SLC38A2: variants seen among roughly 807,000 people sequenced by gnomAD.
SLC38A2 encodes the protein sodium-coupled neutral amino acid symporter 2.
In SLC38A2, 11 loss-of-function variants were observed where a neutral mutation model predicts 61.5. The ratio of observed to expected loss-of-function variants is 0.18; its 90% CI spans 0.11 to 0.30. SLC38A2 has a LOEUF of 0.30. SLC38A2 is among the 10% of genes least tolerant of loss of function. The probability of loss-of-function intolerance (pLI) is 1.00; values close to 1 mark genes in which losing one functional copy is unlikely to be tolerated. For synonymous variants in SLC38A2, 217 were observed against 212.5 expected, an observed-to-expected ratio of 1.02 and a Z score of -0.18; for missense variants, 522 against 600.4, an observed-to-expected ratio of 0.87 and a Z score of 1.36.
chr12:46,366,108 T>C (rs558529457), intron 7 of SLC38A2, among the ~76,000 whole-genome samples: 127 of 152,322 alleles, frequency 8.3e-4, no homozygotes, highest in African/African-American at 3.1e-3. Flanking sequence ...GATAAATACC[T>C]GTGAGTTCAC....
At position 46,368,949 on chromosome 12, in the gene SLC38A2, C is replaced by T. The variant is rs561920028; in HGVS notation, c.314+1563G>A. Among the ~76,000 whole-genome samples, 17 of 152,190 alleles carry T rather than the reference C, an allele frequency of 1.1e-4. 1 individual carries two copies. The South Asian group carries it at 3.5e-3, about 32-fold the overall frequency. On this transcript the variant is annotated intron_variant, in intron 4 of 15. Transcript: ENST00000256689. ...CCGTGGCAGCCATGTGGTTTTTGGCCCATTTTCCTCTATACCTCTAAATAT... is the reference window on the plus strand; with the variant it reads ...CCGTGGCAGCCATGTGGTTTTTGGCTCATTTTCCTCTATACCTCTAAATAT...
intron 2 of SLC38A2, 53 bp downstream of exon 2, chr12:46,371,125 C>G: frequency 6.7e-7 from 1 of 1,502,244 alleles, no homozygotes; most frequent in Non-Finnish European, 9.3e-7. Context: ...AGGTAACTCC[C>G]TGAACCCAAC....
rs902022069 is a variant in SLC38A2, at chr12:46,371,557, G to A, written c.-86-178C>T. The A allele has an allele frequency of 1.1e-5, 5 of 448,156 alleles. No individual in the cohort carries two copies. In the South Asian group the frequency reaches 1.4e-4, roughly 12 times the overall value. The allele number at this position is 448,156 out of a possible 1,614,324, so 27.8% of individuals were successfully genotyped here. ...GGAAAAGTACAGACGGCGGAGCCGCGGGGAGAACAAAGATGATGCCACCGC... is the reference window on the plus strand; with the variant it reads ...GGAAAAGTACAGACGGCGGAGCCGCAGGGAGAACAAAGATGATGCCACCGC... On this transcript the variant is annotated intron_variant, in intron 1 of 15. Coordinates refer to ENST00000256689, the MANE Select transcript of SLC38A2 (RefSeq NM_018976.5).
chr12:46,367,635 T>G (rs964459296), intron 4 of SLC38A2, among the ~76,000 whole-genome samples: 9 of 152,108 alleles, frequency 5.9e-5, no homozygotes, highest in African/African-American at 1.9e-4. Context: ...AACTTCCCAG[T>G]GATGGAGTTT....
At chr12:46,363,648 T>G (rs766634901) in intron 12 of SLC38A2, 78 bp downstream of exon 12, 2 of 856,558 alleles carry the variant, frequency 2.3e-6, no homozygotes, top group South Asian at 3.7e-5. Flanking sequence ...GAACTACACA[T>G]AGAAAACTAG....
In SLC38A2 at chr12:46,372,701, G is replaced by A. The variant is rs963135421; in HGVS notation, c.-279C>T. 2.5e-6 allele frequency: 1 copy of A among 398,416 alleles called. No individual in the cohort carries two copies. The highest frequency in any genetic ancestry group is 2.1e-5 in the African/African-American group (1 of 48,644). 24.7% of individuals were successfully genotyped at this position (398,416 alleles called of 1,614,324 possible). ...CGTGTCAAGGGAAAGGCGCGAGCGT[G>A]CGGTAACGCGTGGTCGGGCTGCTGC... is the stretch of plus-strand genomic sequence containing the variant. On this transcript the variant is annotated 5_prime_UTR_variant, in exon 1 of 16. Transcript: ENST00000256689.
In SLC38A2 at chr12:46,370,496, A is replaced by G; in HGVS notation, c.314+16T>C. On this transcript the variant is annotated intron_variant, in intron 4 of 15. Transcript: ENST00000256689. ...AACTGCCCTGCATGGCAGACTCACT[A>G]CTTACACATACTTACATAAAAAGAG... is the stretch of plus-strand genomic sequence containing the variant. 2.5e-6 allele frequency: 4 copies of G among 1,570,470 alleles called. No individual in the cohort carries two copies. Among genetic ancestry groups the G allele is most frequent in the Admixed American group, 1.7e-5 (1 of 59,950 alleles).
Position 46,365,282 on chromosome 12 carries a change from T to C in SLC38A2, c.564-93A>G, listed in dbSNP as rs560194795. The C allele has an allele frequency of 1.2e-4, 118 of 988,712 alleles. No individual in the cohort carries two copies. The African/African-American group carries it at 1.9e-3, about 16-fold the overall frequency. The allele number at this position is 988,712 out of a possible 1,614,324, so 61.2% of individuals were successfully genotyped here. ...CAGGACTCATTTCATAGGAATACCATGAAAACAAACACACAAAAAAGACAT... is the reference window on the plus strand; with the variant it reads ...CAGGACTCATTTCATAGGAATACCACGAAAACAAACACACAAAAAAGACAT... On this transcript the variant is annotated intron_variant, in intron 7 of 15. Coordinates refer to ENST00000256689, the MANE Select transcript of SLC38A2 (RefSeq NM_018976.5).
intron 8 of SLC38A2, 21 bp downstream of exon 8, chr12:46,365,086 T>C (rs1446801649): frequency 1.2e-6 from 2 of 1,600,504 alleles, no homozygotes; most frequent in Non-Finnish European, 1.7e-6. Flanking sequence ...TTCAATTCTC[T>C]TTAGAGATGA....
chr12:46,371,299 G>A lies in SLC38A2; in HGVS notation c.-6C>T, dbSNP rs770533595. On this transcript the variant is annotated 5_prime_UTR_variant, in exon 2 of 16. Coordinates refer to ENST00000256689, the MANE Select transcript of SLC38A2 (RefSeq NM_018976.5). ...CCCATTTCGGCCTTCTTCATGCTAA[G>A]CACTGGGAGGAATCGGGTGCAGCTA... 1 of 1,611,606 alleles carries A rather than the reference G, an allele frequency of 6.2e-7. No individual in the cohort carries two copies. The highest frequency in any genetic ancestry group is 8.5e-7 in the Non-Finnish European group (1 of 1,177,688).
intron 1 of SLC38A2, 38 bp downstream of exon 1, chr12:46,372,471 C>T (rs1943216464): frequency 1.0e-5 from 4 of 385,056 alleles, no homozygotes; most frequent in Admixed American, 4.5e-5. Flanking sequence ...CGCCCGGGCC[C>T]CGCGCCCTTC....
intron 5 of SLC38A2, 29 bp downstream of exon 5, chr12:46,367,237 GT>G (rs760312487): frequency 1.3e-6 from 2 of 1,581,330 alleles, no homozygotes; most frequent in Non-Finnish European, 1.7e-6. Context: ...GGTATACATT[GT>G]TTTAGAAAAA....
chr12:46,363,254 A>C (rs1943103095), intron 12 of SLC38A2, 109 bp from the exon 13 acceptor site: 1 of 1,226,708 alleles, frequency 8.2e-7, no homozygotes, highest in Non-Finnish European at 1.2e-6. Flanking sequence ...CAAAACGACT[A>C]TAAACTAAGA....
chr12:46,371,805 A>G (rs1323972031), intron 1 of SLC38A2, among the ~76,000 whole-genome samples: 4 of 152,190 alleles, frequency 2.6e-5, no homozygotes, highest in Admixed American at 6.5e-5. Context: ...TGGAACAGCA[A>G]TGCTGCGTAA....
At chr12:46,361,410 C>T (rs1042541657) in intron 15 of SLC38A2, among the ~76,000 whole-genome samples, 9 of 152,144 alleles carry the variant, frequency 5.9e-5, no homozygotes, top group African/African-American at 2.2e-4. Context: ...TTGAGGCCTT[C>T]TGAACTTTTT....
chr12:46,362,410 G>A (rs575477574), intron 14 of SLC38A2, 29 bp from the exon 15 acceptor site: 2 of 1,599,674 alleles, frequency 1.3e-6, no homozygotes, highest in African/African-American at 2.7e-5. Flanking sequence ...GTTTCTTGAG[G>A]ATTCAATGAA....
chr12:46,367,399 A>C, intron 4 of SLC38A2, 59 bp from the exon 5 acceptor site: 1 of 915,440 alleles, frequency 1.1e-6, no homozygotes, highest in South Asian at 1.4e-5. Flanking sequence ...TTTAAAGACA[A>C]CTCTTTCTGG....
intron 4 of SLC38A2, among the ~76,000 whole-genome samples, chr12:46,368,459 T>G (rs1943161684): frequency 6.6e-6 from 1 of 152,162 alleles, no homozygotes; most frequent in African/African-American, 2.4e-5. Context: ...TCCTTTAGGG[T>G]AAGGGTTCTC....
rs1943191865 is a variant in SLC38A2 at position 46,371,093 on chromosome 12, A to G, written c.116+85T>C. 3.5e-6 allele frequency: 4 copies of G among 1,137,072 alleles called. No individual in the cohort carries two copies. The Admixed American group carries it at 6.9e-5, about 20-fold the overall frequency. 70.4% of individuals were successfully genotyped at this position (1,137,072 alleles called of 1,614,324 possible). ...CCTTCTCTAAATGCTATAGCAAATT[A>G]AAGCAATGGAAGCAGAGTCCTAGGT... On this transcript the variant is annotated intron_variant, in intron 2 of 15. Coordinates refer to ENST00000256689, the MANE Select transcript of SLC38A2 (RefSeq NM_018976.5).
Sources: gnomAD v4.1 joint callset for allele counts (sites outside exome capture counted in the v4.1 genomes callset) on GRCh38, gnomAD v4.1.1 for gene constraint, MANE v1.5 for transcripts, NCBI Gene and HGNC (gene_info 2026-07-23, HGNC 2026-07-21) for gene names.